Variants in HYDIN observed in about 807,000 individuals in gnomAD.
The protein encoded by HYDIN is axonemal central pair apparatus protein HYDIN.
A neutral mutation model predicts 403.9 loss-of-function variants in HYDIN; 132 were observed. That is an observed-to-expected ratio of 0.33 (90% CI 0.28 to 0.38). HYDIN has a LOEUF of 0.38. HYDIN is among the 10% of genes least tolerant of loss of function. The pLI, the probability that HYDIN is intolerant of heterozygous loss-of-function variation, is 1.00. For synonymous variants in HYDIN, 1,202 were observed against 1,891.7 expected (o/e 0.64, Z 9.46); for missense variants, 2,827 against 5,009.5 (o/e 0.56, Z 13.15).
At chr16:71,167,837 A>G (rs865932814) in intron 5 of HYDIN, among the ~76,000 whole-genome samples, 1 of 152,102 alleles carries the variant, frequency 6.6e-6, no homozygotes, top group Non-Finnish European at 1.5e-5. Flanking sequence ...CTGCAGGCTT[A>G]AGCAATCACT....
At chr16:71,190,263 G>A (rs890913648) in intron 1 of HYDIN, among the ~76,000 whole-genome samples, 1 of 151,628 alleles carries the variant, frequency 6.6e-6, no homozygotes, top group Non-Finnish European at 1.5e-5. Context: ...AAACAAGAAC[G>A]TTATCAAGAG....
chr16:71,034,046 C>T (rs935003713), intron 18 of HYDIN, among the ~76,000 whole-genome samples: 7 of 151,868 alleles, frequency 4.6e-5, no homozygotes, highest in African/African-American at 1.7e-4. Flanking sequence ...ATTATTCCTT[C>T]ATGAATCTTC....
At chr16:70,876,011 TA>T (rs796748250) in intron 62 of HYDIN, among the ~76,000 whole-genome samples, 1 of 148,454 alleles carries the variant, frequency 6.7e-6, no homozygotes, top group Non-Finnish European at 1.5e-5. Context: ...TAAATATATA[TA>T]AAAAAATTTT....
intron 9 of HYDIN, among the ~76,000 whole-genome samples, chr16:71,117,761 C>T (rs951136271): frequency 2.0e-5 from 3 of 151,930 alleles, no homozygotes; most frequent in Non-Finnish European, 2.9e-5. Context: ...TAAAGAATGT[C>T]GAAAAGAACA....
At chr16:71,094,623 C>T (rs1387040845) in intron 10 of HYDIN, among the ~76,000 whole-genome samples, 1 of 152,288 alleles carries the variant, frequency 6.6e-6, no homozygotes, top group African/African-American at 2.4e-5. Context: ...AAAAGACTAT[C>T]TCTTCATGTA....
chr16:70,992,735 C>T (rs2079399769), intron 23 of HYDIN, among the ~76,000 whole-genome samples: 1 of 152,050 alleles, frequency 6.6e-6, no homozygotes, highest in South Asian at 2.1e-4. Context: ...ACCTCAGTGC[C>T]TTGCTTGCCA....
At chr16:70,901,890 A>G (rs1009639961) in intron 52 of HYDIN, among the ~76,000 whole-genome samples, 15 of 152,090 alleles carry the variant, frequency 9.9e-5, no homozygotes, top group Non-Finnish European at 1.0e-4. Flanking sequence ...GGCCAAGCAT[A>G]TGATTTTTAA....
intron 23 of HYDIN, among the ~76,000 whole-genome samples, chr16:70,996,995 A>G: frequency 6.7e-6 from 1 of 150,318 alleles, no homozygotes; most frequent in East Asian, 2.0e-4. Context: ...GGGAGCCCTG[A>G]GCTTGTTTTC....
At chr16:71,204,363 A>T (rs893824872) in intron 1 of HYDIN, among the ~76,000 whole-genome samples, 4 of 152,184 alleles carry the variant, frequency 2.6e-5, no homozygotes, top group Non-Finnish European at 4.4e-5. Context: ...CCATGGCTCC[A>T]ACTGAAATCA....
chr16:70,881,586 C>A (rs57792561), intron 60 of HYDIN, among the ~76,000 whole-genome samples: 3 of 133,636 alleles, frequency 2.2e-5, no homozygotes, highest in African/African-American at 6.8e-5. Context: ...CCAGCCTGGG[C>A]GACAGAGCAA....
intron 1 of HYDIN, among the ~76,000 whole-genome samples, chr16:71,228,150 A>T: frequency 6.6e-6 from 1 of 152,120 alleles, no homozygotes; most frequent in South Asian, 2.1e-4. Flanking sequence ...CACCTTATAC[A>T]AAAATTAATT....
At chr16:70,949,029 C>G (rs1031462606) in intron 41 of HYDIN, among the ~76,000 whole-genome samples, 1 of 150,692 alleles carries the variant, frequency 6.6e-6, no homozygotes, top group Non-Finnish European at 1.5e-5. Context: ...TGCGGCACTA[C>G]TCACAATAGC....
chr16:71,118,919 C>G (rs575656290), intron 9 of HYDIN, among the ~76,000 whole-genome samples: 1 of 148,020 alleles, frequency 6.8e-6, no homozygotes, highest in African/African-American at 2.5e-5. Flanking sequence ...TGGGTTAATA[C>G]TCTGCTGTGT....
At chr16:71,015,572 CA>C (rs1446854179) in intron 23 of HYDIN, among the ~76,000 whole-genome samples, 2 of 151,090 alleles carry the variant, frequency 1.3e-5, no homozygotes, top group Non-Finnish European at 2.9e-5. Context: ...ATTCCAAACC[CA>C]AACAGTCCCT....
At chr16:71,144,987 G>A (rs571724501) in intron 7 of HYDIN, among the ~76,000 whole-genome samples, 1 of 152,046 alleles carries the variant, frequency 6.6e-6, no homozygotes, top group African/African-American at 2.4e-5. Flanking sequence ...GAAATGAAAA[G>A]CCAATGATCA....
At chr16:71,097,756 TAAGGA>T (rs2083316307) in intron 10 of HYDIN, among the ~76,000 whole-genome samples, 1 of 149,654 alleles carries the variant, frequency 6.7e-6, no homozygotes, top group Non-Finnish European at 1.5e-5. Flanking sequence ...TCAAGTTCTC[TAAGGA>T]AAGAGGATAT....
intron 37 of HYDIN, among the ~76,000 whole-genome samples, chr16:70,963,099 C>T (rs1024919622): frequency 1.3e-5 from 2 of 151,424 alleles, no homozygotes; most frequent in Non-Finnish European, 2.9e-5. Flanking sequence ...GCCCTTGCTG[C>T]CCTGCCTTGG....
At chr16:71,057,302 G>C (rs2081931698) in intron 18 of HYDIN, among the ~76,000 whole-genome samples, 1 of 150,942 alleles carries the variant, frequency 6.6e-6, no homozygotes, top group South Asian at 2.1e-4. Context: ...CACGATTGGA[G>C]TTGTGTGAAA....
At chr16:70,936,626 T>C (rs1774366) in intron 44 of HYDIN, among the ~76,000 whole-genome samples, 1,857 of 142,114 alleles carry the variant, frequency 0.013, no homozygotes, top group African/African-American at 0.053. Context: ...CTCCACCTCC[T>C]GGGTTCAAGC....
Sources: gnomAD v4.1 joint callset for allele counts (sites outside exome capture counted in the v4.1 genomes callset) on GRCh38, gnomAD v4.1.1 for gene constraint, MANE v1.5 for transcripts, NCBI Gene and HGNC (gene_info 2026-07-23, HGNC 2026-07-21) for gene names.